Variants in EXOSC10 observed in about 807,000 individuals in gnomAD.
EXOSC10 encodes the protein exosome component 10.
In EXOSC10, 94 loss-of-function variants were observed where a neutral mutation model predicts 126.6. The observed-to-expected ratio is 0.74, with a 90% CI of 0.63 to 0.88. The LOEUF (loss-of-function observed/expected upper bound fraction) is 0.88. EXOSC10 is among the 40% of genes least tolerant of loss of function. EXOSC10 has a pLI of 0.00. For missense variants in EXOSC10, 1,041 were observed against 1,100.5 expected, an observed-to-expected ratio of 0.95 and a Z score of 0.77; for synonymous variants, 395 against 400.8, an observed-to-expected ratio of 0.99 and a Z score of 0.17.
At chr1:11,095,681 T>C in intron 3 of EXOSC10, 77 bp downstream of exon 3, 1 of 1,408,766 alleles carries the variant, frequency 7.1e-7, no homozygotes, top group Non-Finnish European at 9.9e-7. Context: ...ATCACTGCAC[T>C]CCAGCCTGGG....
chr1:11,078,116 T>TA (rs1041756584), intron 14 of EXOSC10, among the ~76,000 whole-genome samples: 3 of 151,630 alleles, frequency 2.0e-5, no homozygotes, highest in Non-Finnish European at 2.9e-5. Flanking sequence ...TACAAAAAAT[T>TA]AAAAAAAACA....
At chr1:11,081,583 G>C (rs927946435) in intron 10 of EXOSC10, among the ~76,000 whole-genome samples, 4 of 152,176 alleles carry the variant, frequency 2.6e-5, no homozygotes, top group African/African-American at 7.2e-5. Flanking sequence ...TCTTTGGGCT[G>C]ACCCACCTAA....
At chr1:11,067,651 C>T (rs996347329) in intron 24 of EXOSC10, among the ~76,000 whole-genome samples, 2 of 152,106 alleles carry the variant, frequency 1.3e-5, no homozygotes, top group African/African-American at 4.8e-5. Flanking sequence ...AAGGATAACC[C>T]ACATGTGCTT....
chr1:11,097,972 G>A, intron 2 of EXOSC10, 48 bp downstream of exon 2: 1 of 1,447,462 alleles, frequency 6.9e-7, no homozygotes. Context: ...CTACTTCTTT[G>A]TTTTCATTTC....
intron 14 of EXOSC10, among the ~76,000 whole-genome samples, chr1:11,078,964 C>G (rs1420275622): frequency 6.6e-6 from 1 of 152,104 alleles, no homozygotes; most frequent in East Asian, 1.9e-4. Context: ...TATTATTTCC[C>G]TAGGGTTGTT....
chr1:11,067,871 C>G, intron 24 of EXOSC10, 137 bp downstream of exon 24: 1 of 681,534 alleles, frequency 1.5e-6, no homozygotes, highest in East Asian at 2.7e-5. Flanking sequence ...AGGGACCTGG[C>G]TGTGGGAGGT....
rs374028571 is a variant in EXOSC10 at position 11,095,988 on chromosome 1, C to CTT, written c.249-109_249-108dup. The CTT allele has an allele frequency of 3.7e-3, 3,265 of 887,192 alleles. 1 individual carries two copies. Among genetic ancestry groups the CTT allele is most frequent in the African/African-American group, 5.5e-3 (309 of 55,730 alleles). The allele number at this position is 887,192 out of a possible 1,614,324, so 55.0% of individuals were successfully genotyped here. ...GTGGCTCAGACTGTTCCCAACACAT[C>CTT]TTTTTTTTTTTTTTTGAGACAGTCT... On this transcript the variant is annotated intron_variant, in intron 2 of 24. Transcript: ENST00000376936.
chr1:11,071,949 G>A, intron 20 of EXOSC10, 138 bp downstream of exon 20: 1 of 668,162 alleles, frequency 1.5e-6, no homozygotes. Flanking sequence ...GATAGATACT[G>A]ATTGCCCACC....
In EXOSC10 at chr1:11,091,226, A is replaced by C. The variant is rs769574645; in HGVS notation, c.478-47T>G. 6 of 1,541,078 alleles carry C rather than the reference A, an allele frequency of 3.9e-6. No individual in the cohort carries two copies. The South Asian group carries it at 7.2e-5, about 18-fold the overall frequency. ...ACTTTATAACACAGCAACTTGATGAATTAGAAAAGTAAATTCCAATTTATG... is the reference window on the plus strand; with the variant it reads ...ACTTTATAACACAGCAACTTGATGACTTAGAAAAGTAAATTCCAATTTATG... On this transcript the variant is annotated intron_variant, in intron 4 of 24. Transcript: ENST00000376936.
Position 11,080,781 on chromosome 1 carries a change from C to T in EXOSC10, c.1569G>A (p.Arg523=). 6.2e-7 allele frequency: 1 copy of T among 1,614,110 alleles called. No homozygotes were observed. The change falls in exon 12 of 25, where the codon AGG becomes AGA. Residue 523 remains arginine, a synonymous_variant. Coordinates refer to ENST00000376936, the MANE Select transcript of EXOSC10 (RefSeq NM_001001998.3). ...LFAWRDKTAR[R]EDESYGYVLP... Reference sequence around the variant, plus strand: ...TCCCTTACCCGTAACTTTCATCTTCCCTGCGAGCTGTTTTATCCCTCCAGG... The same window carrying T: ...TCCCTTACCCGTAACTTTCATCTTCTCTGCGAGCTGTTTTATCCCTCCAGG...
intron 13 of EXOSC10, 44 bp downstream of exon 13, chr1:11,080,455 T>G: frequency 6.2e-7 from 1 of 1,608,718 alleles, no homozygotes; most frequent in Non-Finnish European, 8.5e-7. Flanking sequence ...GAACATCAGA[T>G]CTACTGAGAA....
Position 11,087,602 on chromosome 1 carries a change from C to T in EXOSC10, c.946-11G>A. On this transcript the variant is annotated splice_polypyrimidine_tract_variant and intron_variant, in intron 8 of 24. Transcript: ENST00000376936. ...CCTGTAAGAGTGGTGCTAAACCCCA[C>T]AGAAGGAGGGGAGAAGAGGAAAAAC... 1 of 1,613,322 alleles carries T rather than the reference C, an allele frequency of 6.2e-7. No individual in the cohort carries two copies. The highest frequency in any genetic ancestry group is 8.5e-7 in the Non-Finnish European group (1 of 1,179,652).
At chr1:11,089,320 A>C (rs1004565631) in intron 6 of EXOSC10, among the ~76,000 whole-genome samples, 10 of 151,754 alleles carry the variant, frequency 6.6e-5, no homozygotes, top group Admixed American at 1.3e-4. Context: ...AAATTTAAGA[A>C]AACATGGGGC....
chr1:11,080,718 C>A, intron 12 of EXOSC10, 46 bp downstream of exon 12: 1 of 1,608,606 alleles, frequency 6.2e-7, no homozygotes, highest in East Asian at 2.2e-5. Context: ...GTTATTAGAT[C>A]TCCTCAGTCT....
intron 9 of EXOSC10, among the ~76,000 whole-genome samples, chr1:11,085,008 C>T (rs1463229674): frequency 6.6e-6 from 1 of 152,068 alleles, no homozygotes; most frequent in East Asian, 1.9e-4. Flanking sequence ...GGTACCAGTA[C>T]CATGCTGTTT....
At chr1:11,092,511 C>T (rs1247926020) in intron 3 of EXOSC10, among the ~76,000 whole-genome samples, 2 of 150,132 alleles carry the variant, frequency 1.3e-5, no homozygotes, top group Non-Finnish European at 2.9e-5. Flanking sequence ...CTGTGCCTGG[C>T]CCTGTTTTTC....
intron 2 of EXOSC10, among the ~76,000 whole-genome samples, chr1:11,096,253 C>T (rs1182705256): frequency 1.3e-5 from 2 of 151,892 alleles, no homozygotes; most frequent in South Asian, 2.1e-4. Context: ...CGGATTCAAG[C>T]GATTCTCATG....
At chr1:11,082,658 C>T in intron 10 of EXOSC10, 30 bp downstream of exon 10, 1 of 1,611,740 alleles carries the variant, frequency 6.2e-7, no homozygotes, top group East Asian at 2.2e-5. Context: ...TCTTCTGCCA[C>T]CCACATTTCC....
rs1570878367 is a variant in EXOSC10, at chr1:11,099,780, T to C, written c.52A>G (p.Thr18Ala). The C allele has an allele frequency of 6.2e-7, 1 of 1,612,182 alleles. No individual in the cohort carries two copies. Residue 18 changes from threonine to alanine, a missense_variant, in exon 1 of 25, where the codon ACC becomes GCC. By Grantham distance (58) the Thr-to-Ala change is moderately conservative (BLOSUM62 0). Transcript: ENST00000376936. ...AGCACCATCTCTCCGTCGGATTTGGTTGCGCTGGTCGCCGACAGGACCCTG... is the reference window on the plus strand; with the variant it reads ...AGCACCATCTCTCCGTCGGATTTGGCTGCGCTGGTCGCCGACAGGACCCTG... ...EPRVLSATSA[T>A]KSDGEMVLPG...
Sources: gnomAD v4.1 joint callset for allele counts (sites outside exome capture counted in the v4.1 genomes callset) on GRCh38, gnomAD v4.1.1 for gene constraint, MANE v1.5 for transcripts, NCBI Gene and HGNC (gene_info 2026-07-23, HGNC 2026-07-21) for gene names.